ITGAE: variants seen among roughly 807,000 people sequenced by gnomAD.
ITGAE encodes the protein integrin subunit alpha E.
A neutral mutation model predicts 136.5 loss-of-function variants in ITGAE; 99 were observed. That is an observed-to-expected ratio of 0.73 (90% CI 0.62 to 0.86). ITGAE has a LOEUF of 0.86. Ranked by LOEUF, ITGAE falls within the 40% of genes least tolerant of loss-of-function variation. The pLI is 0.00. For synonymous variants in ITGAE, 613 were observed against 591.8 expected (o/e 1.04, Z -0.52); for missense variants, 1,447 against 1,515.3 (o/e 0.95, Z 0.75).
At position 3,751,776 on chromosome 17, in the gene ITGAE, C is replaced by T; in HGVS notation, c.1767G>A (p.Gln589=). The change falls in exon 15 of 31, where the codon CAG becomes CAA. Residue 589 remains glutamine (Q), a synonymous_variant. Transcript: ENST00000263087. The part of the protein sequence containing the change: ...FAMAAMGDLS[Q]DKLTDVAIGA... ...CGATGGCCACATCTGTGAGCTTATC[C>T]TGACTGAGATCCCCCATAGCCGCCA... The T allele has an allele frequency of 6.2e-7, 1 of 1,614,154 alleles. No homozygotes were observed. The highest frequency in any genetic ancestry group is 8.5e-7 in the Non-Finnish European group (1 of 1,180,004).
At chr17:3,756,963 C>T (rs1487599289) in intron 10 of ITGAE, 21 bp downstream of exon 10, 4 of 1,600,500 alleles carry the variant, frequency 2.5e-6, no homozygotes, top group Non-Finnish European at 3.4e-6. Flanking sequence ...CCTGCGGTGG[C>T]CTGGGTCCCG....
At chr17:3,732,011 G>A (rs2051354567) in intron 22 of ITGAE, among the ~76,000 whole-genome samples, 1 of 152,138 alleles carries the variant, frequency 6.6e-6, no homozygotes, top group Non-Finnish European at 1.5e-5. Flanking sequence ...GGGAGGCGGA[G>A]GTTGCAGTGA....
At chr17:3,715,754 C>G (rs557888722) in intron 30 of ITGAE, among the ~76,000 whole-genome samples, 20 of 152,096 alleles carry the variant, frequency 1.3e-4, no homozygotes, top group African/African-American at 4.8e-4. Context: ...CCCAGTTACT[C>G]AGGAGACTAA....
intron 29 of ITGAE, among the ~76,000 whole-genome samples, chr17:3,719,173 T>C (rs1242103176): frequency 1.4e-5 from 2 of 143,206 alleles, no homozygotes; most frequent in Admixed American, 1.4e-4. Flanking sequence ...GAGGTGGAGG[T>C]TGCAGTGAGC....
At chr17:3,738,119 C>T (rs1264012178) in intron 20 of ITGAE, among the ~76,000 whole-genome samples, 1 of 152,196 alleles carries the variant, frequency 6.6e-6, no homozygotes, top group Non-Finnish European at 1.5e-5. Context: ...AACAGAATCA[C>T]AATACATACA....
intron 2 of ITGAE, among the ~76,000 whole-genome samples, chr17:3,769,221 G>A (rs1173511208): frequency 6.6e-6 from 1 of 152,094 alleles, no homozygotes; most frequent in African/African-American, 2.4e-5. Context: ...CTCTGCCTGC[G>A]ATCCCTCCTG....
chr17:3,743,544 G>A lies in ITGAE; in HGVS notation c.2393C>T (p.Thr798Met), dbSNP rs773814309. The A allele has an allele frequency of 9.9e-6, 16 of 1,612,160 alleles. No homozygotes were observed. The highest frequency in any genetic ancestry group is 3.3e-4 in the Middle Eastern group (2 of 6,078). The change falls in exon 19 of 31, where the codon ACG becomes ATG. Residue 798 changes from threonine to methionine, a missense_variant. Thr to Met is a moderately conservative substitution (Grantham distance 81). Coordinates refer to ENST00000263087, the MANE Select transcript of ITGAE (RefSeq NM_002208.5). ...SYQLQTPEGQ[T>M]DHPQPILDRY... ...GTCCAGGATGGGCTGGGGATGGTCC[G>A]TCTGTCCCTCAGGGGTCTGGAGCTG...
chr17:3,727,867 C>T (rs922673208), intron 26 of ITGAE, 52 bp downstream of exon 26: 3 of 1,099,910 alleles, frequency 2.7e-6, no homozygotes, highest in African/African-American at 1.6e-5. Context: ...ACTTGAGACT[C>T]TGTAGTCACT....
chr17:3,785,503 GAAGGA>G (rs1567557168), intron 1 of ITGAE, among the ~76,000 whole-genome samples: 8 of 90,334 alleles, frequency 8.9e-5, no homozygotes, highest in Non-Finnish European at 1.4e-4. Context: ...AAGGAGGAAG[GAAGGA>G]AGGAAGGAAG....
intron 9 of ITGAE, 56 bp downstream of exon 9, chr17:3,757,650 C>T: frequency 2.5e-6 from 4 of 1,586,930 alleles, no homozygotes; most frequent in Non-Finnish European, 3.4e-6. Context: ...ACCCTGGCTT[C>T]TCCCCACCCC....
rs148638369 is a variant in ITGAE at position 3,739,837 on chromosome 17, G to T, written c.2490C>A (p.Val830=). Residue 830 remains valine, a synonymous_variant, in exon 20 of 31, where the codon GTC becomes GTA. Transcript: ENST00000263087. ...CGGTGGTGGCCAACTGTAATTCTGC[G>T]ACACAAAACAGCTTATTCTTGCAGG... ...EKACKNKLFC[V]AELQLATTVS... is the part of the protein sequence containing the mutation. 2 of 1,614,162 alleles carry T rather than the reference G, an allele frequency of 1.2e-6. No individual in the cohort carries two copies. The highest frequency in any genetic ancestry group is 1.7e-5 in the Admixed American group (1 of 60,022).
intron 26 of ITGAE, chr17:3,724,969 C>G: frequency 4.3e-6 from 7 of 1,614,152 alleles, no homozygotes; most frequent in Non-Finnish European, 5.9e-6. Flanking sequence ...CATCAGGAGG[C>G]AACGGAAACC....
At position 3,753,331 on chromosome 17, in the gene ITGAE, C is replaced by T. The variant is rs377271111; in HGVS notation, c.1627G>A (p.Gly543Arg). The T allele has an allele frequency of 3.4e-5, 55 of 1,614,080 alleles. No individual in the cohort carries two copies. The highest frequency in any genetic ancestry group is 2.7e-4 in the African/African-American group (20 of 74,942). Residue 543 changes from glycine to arginine, a missense_variant, in exon 14 of 31, where the codon GGA (glycine) becomes AGA (arginine). This residue lies in a region of ITGAE where 1,031 missense variants were observed against 1,011.4 expected (regional missense o/e 1.02). Coordinates refer to ENST00000263087, the MANE Select transcript of ITGAE (RefSeq NM_002208.5). Reference protein sequence around the residue: ...LVAAPFYHVHGEEGRVYVYRL... With the variant: ...LVAAPFYHVHREEGRVYVYRL... ...TACACGTAGACTCTGCCTTCTTCTC[C>T]ATGAACGTGGTAAAATGGAGCAGCC...
At position 3,761,792 on chromosome 17, in the gene ITGAE, G is replaced by A. The variant is rs541790085; in HGVS notation, c.315+123C>T. The A allele has an allele frequency of 7.9e-5, 69 of 869,528 alleles. No homozygotes were observed. In the South Asian group the frequency reaches 1.1e-3, roughly 14 times the overall value. 53.9% of individuals were successfully genotyped at this position (869,528 alleles called of 1,614,324 possible). On this transcript the variant is annotated intron_variant, in intron 4 of 30. Coordinates refer to ENST00000263087, the MANE Select transcript of ITGAE (RefSeq NM_002208.5). ...CAGTCAGCCCTGGGGTTGGCACCAG[G>A]GAGACGCTAGACTCAGCCTCGGGAA...
intron 2 of ITGAE, 56 bp downstream of exon 2, chr17:3,777,484 C>CA: frequency 6.4e-7 from 1 of 1,551,550 alleles, no homozygotes; most frequent in Middle Eastern, 2.0e-4. Context: ...GGGCCCATCT[C>CA]AGATTGCCTG....
At position 3,764,912 on chromosome 17, in the gene ITGAE, G is replaced by A. The variant is rs220472; in HGVS notation, c.156-952C>T. ...TGTCCTGAGACAGACAGTGAGCTCC[G>A]GGGGTTGTCATAGGGGATGGTGGGG... On this transcript the variant is annotated intron_variant, in intron 2 of 30. Coordinates refer to ENST00000263087, the MANE Select transcript of ITGAE (RefSeq NM_002208.5). 7.2e-3 allele frequency among the ~76,000 whole-genome samples: 1,091 copies of A among 151,990 alleles called. 16 individuals carry two copies. The highest frequency in any genetic ancestry group is 0.025 in the African/African-American group (1,035 of 41,538).
rs1455743992 is a variant in ITGAE, at chr17:3,716,731, C to T, written c.3401G>A (p.Gly1134Asp). The T allele has an allele frequency of 6.2e-7, 1 of 1,611,930 alleles. No individual in the cohort carries two copies. Among genetic ancestry groups the T allele is most frequent in the African/African-American group, 1.3e-5 (1 of 74,870 alleles). The change falls in exon 30 of 31, where the codon GGT (glycine) becomes GAT (aspartate). Residue 1134 changes from glycine (G) to aspartate (D), a missense_variant. Gly to Asp is a moderately conservative substitution (Grantham distance 94). Transcript: ENST00000263087. Reference protein sequence around the residue: ...SLPIIIKGSVGGLLVLIVILV... With the variant: ...SLPIIIKGSVDGLLVLIVILV... The stretch of plus-strand genomic sequence containing the variant: ...AATCACGATCAACACCAGAAGTCCA[C>T]CAACGCTGCCTTTAATGATGATAGG...
chr17:3,778,604 C>G (rs971515606), intron 1 of ITGAE, among the ~76,000 whole-genome samples: 2 of 152,046 alleles, frequency 1.3e-5, no homozygotes, highest in East Asian at 3.9e-4. Flanking sequence ...GTGACAGAAG[C>G]CTTAGGTCTT....
intron 1 of ITGAE, among the ~76,000 whole-genome samples, chr17:3,793,242 T>C (rs1346823330): frequency 1.3e-5 from 2 of 152,178 alleles, no homozygotes; most frequent in African/African-American, 2.4e-5. Flanking sequence ...TTAGTAGAGA[T>C]GGGGTTTCGC....
Sources: allele counts gnomAD v4.1 joint callset (sites outside exome capture counted in the v4.1 genomes callset), GRCh38; gene constraint gnomAD v4.1.1; regional missense constraint gnomAD v4.1.1; transcripts MANE v1.5; gene names NCBI Gene and HGNC (gene_info 2026-07-23, HGNC 2026-07-21).